Variants in IL1RAPL1 observed in about 807,000 individuals in gnomAD.
The protein encoded by IL1RAPL1 is interleukin-1 receptor accessory protein-like 1.
A neutral mutation model predicts 48.4 loss-of-function variants in IL1RAPL1; 3 were observed. That is an observed-to-expected ratio of 0.06 (90% CI 0.03 to 0.16). The LOEUF (loss-of-function observed/expected upper bound fraction) is 0.16, where lower values mean the gene tolerates loss of function less well. IL1RAPL1 is among the 10% of genes least tolerant of loss of function. The pLI is 1.00. For synonymous variants in IL1RAPL1, 185 were observed against 187.7 expected, an observed-to-expected ratio of 0.99 and a Z score of 0.12; for missense variants, 349 against 530.6, an observed-to-expected ratio of 0.66 and a Z score of 3.36.
intron 5 of IL1RAPL1, among the ~76,000 whole-genome samples, chrX:29,585,173 T>A (rs900335151): frequency 5.4e-5 from 6 of 112,089 alleles, no homozygotes; most frequent in African/African-American, 1.9e-4. Flanking sequence ...TGAAACTTTA[T>A]GCATATTGAT....
intron 5 of IL1RAPL1, among the ~76,000 whole-genome samples, chrX:29,629,356 G>GTT (rs925226892): frequency 1.9e-5 from 2 of 105,489 alleles, no homozygotes; most frequent in Non-Finnish European, 3.9e-5. Context: ...ATCTTTGGTA[G>GTT]TTTTTTTTTT....
chrX:29,185,216 A>C (rs1300033184), intron 2 of IL1RAPL1, among the ~76,000 whole-genome samples: 1 of 112,694 alleles, frequency 8.9e-6, no homozygotes, highest in Non-Finnish European at 1.9e-5. Flanking sequence ...TTTATCATTC[A>C]TGTAATTACA....
chrX:29,584,640 A>G (rs772955078), intron 5 of IL1RAPL1, among the ~76,000 whole-genome samples: 13 of 110,895 alleles, frequency 1.2e-4, no homozygotes, highest in Non-Finnish European at 1.9e-5. Flanking sequence ...TGCAGCATGG[A>G]CCTCCCAGGC....
intron 6 of IL1RAPL1, among the ~76,000 whole-genome samples, chrX:29,729,178 C>T (rs1256050082): frequency 9.0e-6 from 1 of 111,692 alleles, no homozygotes; most frequent in Non-Finnish European, 1.9e-5. Context: ...GGAATGGAGG[C>T]TGCTCAGCTT....
At chrX:29,535,215 A>G (rs749055513) in intron 5 of IL1RAPL1, among the ~76,000 whole-genome samples, 1 of 107,777 alleles carries the variant, frequency 9.3e-6, no homozygotes, top group African/African-American at 3.4e-5. Flanking sequence ...TATTATCTTT[A>G]CCAGTTGTCA....
chrX:28,632,071 A>G (rs1434322888), intron 1 of IL1RAPL1, among the ~76,000 whole-genome samples: 1 of 112,467 alleles, frequency 8.9e-6, no homozygotes, highest in Non-Finnish European at 1.9e-5. Context: ...TTATTAGCAA[A>G]TGTATTAATT....
intron 2 of IL1RAPL1, among the ~76,000 whole-genome samples, chrX:29,126,450 A>G (rs759553655): frequency 1.9e-4 from 21 of 112,684 alleles, no homozygotes; most frequent in Non-Finnish European, 3.6e-4. Flanking sequence ...AGAAAAAGTT[A>G]TATGTCATAG....
intron 2 of IL1RAPL1, among the ~76,000 whole-genome samples, chrX:29,146,336 T>C (rs1929350158): frequency 9.0e-6 from 1 of 111,493 alleles, no homozygotes; most frequent in African/African-American, 3.3e-5. Flanking sequence ...CTTCAGGTCT[T>C]GACTTGAAAC....
chrX:29,565,154 A>T (rs749113051), intron 5 of IL1RAPL1, among the ~76,000 whole-genome samples: 1 of 112,357 alleles, frequency 8.9e-6, no homozygotes, highest in South Asian at 3.7e-4. Context: ...AAAATAATGT[A>T]TCAAAATAAT....
At chrX:29,742,096 G>C (rs904155437) in intron 6 of IL1RAPL1, among the ~76,000 whole-genome samples, 1 of 110,637 alleles carries the variant, frequency 9.0e-6, no homozygotes, top group African/African-American at 3.3e-5. Flanking sequence ...AGACAAAGCA[G>C]CTTTGTATAC....
rs903691236 is a variant in IL1RAPL1 at position 29,405,204 on chromosome X, G to T, written c.703+5896G>T. The stretch of plus-strand genomic sequence containing the variant: ...TGGGATTACAGGCGTGAGCTACCGC[G>T]CCCAGTCTGGATGTAGAATTTTTGA... On this transcript the variant is annotated intron_variant, in intron 5 of 10. Transcript: ENST00000378993. Among the ~76,000 whole-genome samples, 4 of 109,067 alleles carry T rather than the reference G, an allele frequency of 3.7e-5. No individual in the cohort carries two copies. In the Admixed American group the frequency reaches 3.9e-4, roughly 11 times the overall value. 94.7% of individuals were successfully genotyped at this position (109,067 alleles called of 115,157 possible).
At chrX:29,033,343 C>T (rs1906804685) in intron 2 of IL1RAPL1, among the ~76,000 whole-genome samples, 1 of 110,873 alleles carries the variant, frequency 9.0e-6, no homozygotes, top group African/African-American at 3.3e-5. Context: ...TGTCAGAACA[C>T]AGAAGAGAAA....
At chrX:28,805,812 G>A (rs1473031567) in intron 2 of IL1RAPL1, among the ~76,000 whole-genome samples, 1 of 110,234 alleles carries the variant, frequency 9.1e-6, no homozygotes, top group South Asian at 3.8e-4. Context: ...GTATAAGCTC[G>A]TTGAGTATAA....
chrX:29,050,317 A>G (rs1368015235), intron 2 of IL1RAPL1, among the ~76,000 whole-genome samples: 2 of 111,815 alleles, frequency 1.8e-5, no homozygotes, highest in Non-Finnish European at 3.8e-5. Flanking sequence ...TGGGTAACTC[A>G]TCCACTTTTC....
At chrX:28,927,362 T>C (rs185170987) in intron 2 of IL1RAPL1, among the ~76,000 whole-genome samples, 42 of 112,199 alleles carry the variant, frequency 3.7e-4, no homozygotes, top group African/African-American at 1.2e-3. Flanking sequence ...ATCAATTTTT[T>C]TGTGTGTGCC....
intron 5 of IL1RAPL1, among the ~76,000 whole-genome samples, chrX:29,449,738 T>TACACACACACAC (rs539577442): frequency 7.8e-5 from 5 of 63,916 alleles, no homozygotes; most frequent in Non-Finnish European, 1.4e-4. Flanking sequence ...TACATATGCA[T>TACACACACACAC]ACACACACAC....
At chrX:28,998,551 G>T (rs1161103901) in intron 2 of IL1RAPL1, among the ~76,000 whole-genome samples, 1 of 111,975 alleles carries the variant, frequency 8.9e-6, no homozygotes, top group Non-Finnish European at 1.9e-5. Flanking sequence ...TAACTGTTCT[G>T]CTTTTGCCGT....
At chrX:29,439,496 C>T (rs1372747578) in intron 5 of IL1RAPL1, among the ~76,000 whole-genome samples, 7 of 111,283 alleles carry the variant, frequency 6.3e-5, no homozygotes, top group East Asian at 5.6e-4. Flanking sequence ...TTCAAAATTG[C>T]GTGGCAAAAG....
chrX:29,762,913 G>A (rs747171497), intron 6 of IL1RAPL1, among the ~76,000 whole-genome samples: 1 of 111,388 alleles, frequency 9.0e-6, no homozygotes, highest in East Asian at 2.8e-4. Flanking sequence ...CCTCAGTGTC[G>A]CTCCTGCACA....
Sources: allele counts gnomAD v4.1 joint callset (sites outside exome capture counted in the v4.1 genomes callset), GRCh38; gene constraint gnomAD v4.1.1; transcripts MANE v1.5; gene names NCBI Gene and HGNC (gene_info 2026-07-23, HGNC 2026-07-21).